TPST2: variants seen among roughly 807,000 people sequenced by gnomAD.
TPST2 encodes the protein protein-tyrosine sulfotransferase 2.
A neutral mutation model predicts 27.8 loss-of-function variants in TPST2; 16 were observed. The observed-to-expected ratio is 0.58, with a 90% CI of 0.39 to 0.88. The LOEUF is 0.88. Among genes scored for constraint, TPST2 ranks in the 40% least tolerant of loss-of-function variants. TPST2 has a pLI of 0.00. For synonymous variants in TPST2, 229 were observed against 231.7 expected (o/e 0.99, Z 0.10); for missense variants, 464 against 543.1 (o/e 0.85, Z 1.45).
chr22:26,560,149 T>G (rs962745947), intron 1 of TPST2, among the ~76,000 whole-genome samples: 1 of 152,142 alleles, frequency 6.6e-6, no homozygotes, highest in Non-Finnish European at 1.5e-5. Context: ...AGCAAGTTAA[T>G]GGCACGGCCA....
chr22:26,567,086 C>T (rs574507933), intron 1 of TPST2, among the ~76,000 whole-genome samples: 2 of 152,312 alleles, frequency 1.3e-5, no homozygotes, highest in Non-Finnish European at 1.5e-5. Context: ...CCATCAAGAA[C>T]ACTGGTCTAT....
chr22:26,532,571 T>C (rs566933534), intron 5 of TPST2, 124 bp downstream of exon 5: 4 of 1,090,684 alleles, frequency 3.7e-6, no homozygotes, highest in Non-Finnish European at 5.3e-6. Flanking sequence ...CCAGCTCACA[T>C]CCCCCTTTTT....
At chr22:26,575,660 C>T (rs1477047545) in intron 1 of TPST2, among the ~76,000 whole-genome samples, 1 of 152,208 alleles carries the variant, frequency 6.6e-6, no homozygotes, top group African/African-American at 2.4e-5. Flanking sequence ...ACTGAATCCT[C>T]ACAAAAACCC....
intron 1 of TPST2, among the ~76,000 whole-genome samples, chr22:26,581,019 TACACAC>T (rs10540036): frequency 0.019 from 2,332 of 120,132 alleles, 30 homozygotes; most frequent in South Asian, 0.062. Flanking sequence ...TCAACATACA[TACACAC>T]ACACACACAC....
At position 26,555,161 on chromosome 22, in the gene TPST2, T is replaced by A. The variant is rs201627998; in HGVS notation, c.-160-10486A>T. ...AACGTGGAGCTGAGGGAATTTGCAT[T>A]TTAACAAGCGCTGCCCCTTGCTCCC... On this transcript the variant is annotated intron_variant, in intron 1 of 6. Transcript: ENST00000338754. The A allele has an allele frequency of 4.1e-3, 2,183 of 533,142 alleles. 38 individuals carry two copies. Among genetic ancestry groups the A allele is most frequent in the South Asian group, 0.022 (1,546 of 71,532 alleles). The allele number at this position is 533,142 out of a possible 1,614,324, so 33.0% of individuals were successfully genotyped here.
chr22:26,535,386 TTAAAG>T (rs1298662080), intron 4 of TPST2, among the ~76,000 whole-genome samples: 4 of 152,218 alleles, frequency 2.6e-5, no homozygotes, highest in Non-Finnish European at 4.4e-5. Context: ...AACACAGCAC[TTAAAG>T]TAAACTAGAA....
rs1484434373 is a variant in TPST2 at position 26,551,872 on chromosome 22, CTTTTCTTTTTCTTTTT to C, written c.-160-7213_-160-7198del. On this transcript the variant is annotated intron_variant, in intron 1 of 6. Transcript: ENST00000338754. ...ATTACCATTTAATTCTTTTCCTTTT[CTTTTCTTTTTCTTTTT>C]TTTTTTTTTTTTTTTTTTGAGACAG... 3.5e-3 allele frequency among the ~76,000 whole-genome samples: 415 copies of C among 120,052 alleles called. 5 individuals are homozygous for C. The highest frequency in any genetic ancestry group is 0.012 in the African/African-American group (395 of 32,234). 78.8% of individuals were successfully genotyped at this position (120,052 alleles called of 152,430 possible). A position where few individuals can be genotyped will look rare whatever the true frequency, so the allele number is the denominator to read the frequency against.
At chr22:26,539,636 A>C (rs4822734) in intron 3 of TPST2, among the ~76,000 whole-genome samples, 80,550 of 151,238 alleles carry the variant, frequency 0.53, 21,830 homozygotes, top group African/African-American at 0.57. Flanking sequence ...GGGTGTGGAG[A>C]TGCTCGCCTG....
intron 1 of TPST2, among the ~76,000 whole-genome samples, chr22:26,568,398 C>CA (rs1927461141): frequency 6.6e-6 from 1 of 152,146 alleles, no homozygotes; most frequent in South Asian, 2.1e-4. Context: ...GTTGCATTCC[C>CA]AAGAGGTCAG....
chr22:26,589,018 G>A (rs1204798045), intron 1 of TPST2, among the ~76,000 whole-genome samples: 1 of 152,186 alleles, frequency 6.6e-6, no homozygotes, highest in South Asian at 2.1e-4. Flanking sequence ...GCTTCCCGGA[G>A]GAGGTGCTGC....
In TPST2 at chr22:26,522,487, TCA is replaced by T. The variant is rs1924604712; in HGVS notation, c.*3786_*3787del. The T allele has an allele frequency of 6.6e-6, 1 of 152,212 alleles. No individual in the cohort carries two copies. Among genetic ancestry groups the T allele is most frequent in the East Asian group, 1.9e-4 (1 of 5,180 alleles). The allele number at this position is 152,212 out of a possible 1,614,324, so 9.4% of individuals were successfully genotyped here. ...AAGGCTCTAGAACAAAGCTCTGATT[TCA>T]CAGTGAGATTAAAATTCTGCCCAAA... On this transcript the variant is annotated 3_prime_UTR_variant, in exon 7 of 7. Transcript: ENST00000338754.
At chr22:26,545,281 C>T (rs2147194976) in intron 1 of TPST2, among the ~76,000 whole-genome samples, 1 of 152,298 alleles carries the variant, frequency 6.6e-6, no homozygotes, top group East Asian at 1.9e-4. Context: ...GATGAGAAAG[C>T]ATGACACCAA....
At chr22:26,548,208 G>T (rs938892304) in intron 1 of TPST2, among the ~76,000 whole-genome samples, 4 of 152,190 alleles carry the variant, frequency 2.6e-5, no homozygotes, top group Non-Finnish European at 2.9e-5. Context: ...GGGGCATGGT[G>T]GTTTACACCT....
Position 26,573,848 on chromosome 22 carries a change from G to GCATT in TPST2, c.-161+16201_-161+16204dup, listed in dbSNP as rs1927727810. Among the ~76,000 whole-genome samples the GCATT allele has an allele frequency of 2.0e-5, 3 of 152,172 alleles. No homozygotes were observed. The South Asian group carries it at 6.2e-4, about 32-fold the overall frequency. The stretch of plus-strand genomic sequence containing the variant: ...GCATACTACGAATCCGGTTTCCTGA[G>GCATT]CATTCACCTGCTCCTCTGTTTCCTT... On this transcript the variant is annotated intron_variant, in intron 1 of 6. Transcript: ENST00000338754.
intron 1 of TPST2, among the ~76,000 whole-genome samples, chr22:26,568,895 GCT>G (rs1403704784): frequency 8.4e-6 from 1 of 119,548 alleles, no homozygotes; most frequent in Non-Finnish European, 1.6e-5. Context: ...GACGGATCTC[GCT>G]CTGTCTCCCA....
chr22:26,560,008 T>C (rs1178639509), intron 1 of TPST2, among the ~76,000 whole-genome samples: 1 of 152,142 alleles, frequency 6.6e-6, no homozygotes, highest in Non-Finnish European at 1.5e-5. Context: ...TAATACGATA[T>C]AAAATAAGAG....
chr22:26,528,173 C>G lies in TPST2; in HGVS notation c.*7+41G>C, dbSNP rs16982286. On this transcript the variant is annotated intron_variant, in intron 6 of 6. Transcript: ENST00000338754. ...TTCAGAAAAGTGGCTCCGGGGCCAC[C>G]CAGAAGCAGCGGGAACCCCCAGTGA... 2.9e-3 allele frequency: 4,534 copies of G among 1,552,830 alleles called. 113 individuals carry two copies. In the African/African-American group the frequency reaches 0.054, roughly 18 times the overall value.
intron 1 of TPST2, among the ~76,000 whole-genome samples, chr22:26,551,941 T>G (rs1602274988): frequency 7.2e-6 from 1 of 138,248 alleles, no homozygotes; most frequent in African/African-American, 2.7e-5. Context: ...CAGGCTAGAA[T>G]ACAGCGGTGC....
At chr22:26,551,771 G>A (rs1926483108) in intron 1 of TPST2, among the ~76,000 whole-genome samples, 1 of 152,060 alleles carries the variant, frequency 6.6e-6, no homozygotes, top group South Asian at 2.1e-4. Flanking sequence ...TCTGAGAAAT[G>A]GGAATAACAC....
Sources: allele counts gnomAD v4.1 joint callset (sites outside exome capture counted in the v4.1 genomes callset), GRCh38; gene constraint gnomAD v4.1.1; transcripts MANE v1.5; gene names NCBI Gene and HGNC (gene_info 2026-07-23, HGNC 2026-07-21).